E2F6: variants seen among roughly 807,000 people sequenced by gnomAD.
E2F6 encodes E2F transcription factor 6.
A neutral mutation model predicts 31.5 loss-of-function variants in E2F6; 19 were observed. The ratio of observed to expected loss-of-function variants is 0.60; its 90% CI spans 0.42 to 0.89. The LOEUF (loss-of-function observed/expected upper bound fraction) is 0.89, where lower values mean the gene tolerates loss of function less well. Among genes scored for constraint, E2F6 ranks in the 40% least tolerant of loss-of-function variants. The pLI is 0.00. For missense variants in E2F6, 269 were observed against 341.6 expected (o/e 0.79, Z 1.67); for synonymous variants, 121 against 127.7 (o/e 0.95, Z 0.36).
At chr2:11,454,844 T>C (rs1364285766) in intron 2 of E2F6, among the ~76,000 whole-genome samples, 1 of 152,162 alleles carries the variant, frequency 6.6e-6, no homozygotes, top group Non-Finnish European at 1.5e-5. Context: ...GACCATGCAA[T>C]TTTGCAACAC....
At chr2:11,449,897 G>A (rs991490447) in intron 5 of E2F6, 115 bp downstream of exon 5, 11 of 677,106 alleles carry the variant, frequency 1.6e-5, no homozygotes, top group Admixed American at 2.7e-5. Context: ...GAGCAGTATC[G>A]GATGTACAGT....
rs1347149969 is a variant in E2F6, at chr2:11,453,770, A to T, written c.192T>A (p.Phe64Leu). ...GAGTTAAATAAACCAGCGATACATC[A>T]AAACGAGGTCTCTTCACTTTTAGAG... is the stretch of plus-strand genomic sequence containing the variant. ...RKALKVKRPR[F>L]DVSLVYLTRK... The change falls in exon 3 of 7, where the codon TTT becomes TTA. Residue 64 changes from phenylalanine (F) to leucine (L), a missense_variant. By Grantham distance (22) the Phe-to-Leu change is conservative. Coordinates refer to ENST00000381525, the MANE Select transcript of E2F6 (RefSeq NM_198256.4). 6.2e-7 allele frequency: 1 copy of T among 1,614,210 alleles called. No homozygotes were observed. The highest frequency in any genetic ancestry group is 1.7e-5 in the Admixed American group (1 of 60,032).
chr2:11,457,659 C>A (rs567167757), intron 1 of E2F6, among the ~76,000 whole-genome samples: 1 of 152,258 alleles, frequency 6.6e-6, no homozygotes, highest in Admixed American at 6.5e-5. Context: ...TGCACACACA[C>A]ACAAAATATA....
At position 11,450,978 on chromosome 2, in the gene E2F6, A is replaced by AC. The variant is rs527946973; in HGVS notation, c.536+672dup. Among the ~76,000 whole-genome samples the AC allele has an allele frequency of 7.4e-3, 1,117 of 151,766 alleles. 8 individuals carry two copies. The highest frequency in any genetic ancestry group is 0.034 in the Middle Eastern group (10 of 294). On this transcript the variant is annotated intron_variant, in intron 4 of 6. Transcript: ENST00000381525. Reference sequence around the variant, plus strand: ...CCAAAGACAAGGCTCCCCCAGCCCCACCCCCCAGCTCCCTGAGACACTGAG... The same window carrying AC: ...CCAAAGACAAGGCTCCCCCAGCCCCACCCCCCCAGCTCCCTGAGACACTGAG...
intron 1 of E2F6, chr2:11,458,280 C>G: frequency 6.4e-7 from 1 of 1,551,746 alleles, no homozygotes. Context: ...AGGGAACTCA[C>G]AGAAGGATTC....
At chr2:11,455,096 TCTG>T (rs1671324552) in intron 2 of E2F6, among the ~76,000 whole-genome samples, 3 of 152,228 alleles carry the variant, frequency 2.0e-5, no homozygotes, top group Admixed American at 2.0e-4. Context: ...GCTAAACTGC[TCTG>T]CAGGTTGTGG....
At chr2:11,447,804 GAATGA>G in intron 5 of E2F6, 30 bp from the exon 6 acceptor site, 7 of 1,588,464 alleles carry the variant, frequency 4.4e-6, no homozygotes, top group Non-Finnish European at 6.0e-6. Flanking sequence ...TCGTCAAGAT[GAATGA>G]AATAATAAAT....
chr2:11,465,760 C>T lies in E2F6; in HGVS notation c.108+12G>A, dbSNP rs1024552018. On this transcript the variant is annotated intron_variant, in intron 1 of 6. Coordinates refer to ENST00000381525, the MANE Select transcript of E2F6 (RefSeq NM_198256.4). ...AGACCACCGCCCGTCCCCGTCCCGT[C>T]CCGGAGCTTACCAGCAGGCCCTCCA... The T allele has an allele frequency of 2.7e-5, 42 of 1,580,246 alleles. No individual in the cohort carries two copies. The highest frequency in any genetic ancestry group is 4.0e-5 in the African/African-American group (3 of 74,254).
At position 11,450,109 on chromosome 2, in the gene E2F6, T is replaced by C. The variant is rs376073201; in HGVS notation, c.554A>G (p.Tyr185Cys). The C allele has an allele frequency of 1.2e-5, 20 of 1,611,808 alleles. No homozygotes were observed. The highest frequency in any genetic ancestry group is 1.6e-4 in the Middle Eastern group (1 of 6,080). Residue 185 changes from tyrosine (Y) to cysteine (C), a missense_variant, in exon 5 of 7, where the codon TAT (tyrosine) becomes TGT (cysteine). Transcript: ENST00000381525. ...KENERLAYVT[Y>C]QDIHSIQAFH... ...GGCCTGAATGCTATGAATGTCTTGA[T>C]AGGTCACATATGCTAGTGTAAAACT... is the stretch of plus-strand genomic sequence containing the variant.
chr2:11,458,040 T>G (rs1020393160), intron 1 of E2F6, among the ~76,000 whole-genome samples: 13 of 152,200 alleles, frequency 8.5e-5, no homozygotes, highest in African/African-American at 3.1e-4. Flanking sequence ...GGTAGTAACA[T>G]TTAGAAACTG....
chr2:11,465,188 A>AAG (rs1359821444), intron 1 of E2F6, among the ~76,000 whole-genome samples: 1 of 146,932 alleles, frequency 6.8e-6, no homozygotes, highest in Non-Finnish European at 1.5e-5. Flanking sequence ...CAAAAAAAAA[A>AAG]AAAAAAAAGA....
rs944361829 is a variant in E2F6 at position 11,453,682 on chromosome 2, T to C, written c.280A>G (p.Thr94Ala). 1.2e-6 allele frequency: 2 copies of C among 1,614,184 alleles called. No homozygotes were observed. The highest frequency in any genetic ancestry group is 1.7e-5 in the Admixed American group (1 of 60,026). The change falls in exon 3 of 7, where the codon ACG becomes GCG. Residue 94 changes from threonine to alanine, a missense_variant. Coordinates refer to ENST00000381525, the MANE Select transcript of E2F6 (RefSeq NM_198256.4). ...CTCCGCTTTCGGACTCCCAGTTTCG[T>C]TGCAACCTTGTTTAAGTCAAGAATA... Reference protein sequence around the residue: ...GGILDLNKVATKLGVRKRRVY... With the variant: ...GGILDLNKVAAKLGVRKRRVY...
chr2:11,459,810 G>A (rs769084930), intron 1 of E2F6, among the ~76,000 whole-genome samples: 1 of 152,130 alleles, frequency 6.6e-6, no homozygotes, highest in African/African-American at 2.4e-5. Flanking sequence ...CTTGAACCCG[G>A]GAGGCAGGGG....
chr2:11,448,554 G>A (rs1670865621), intron 5 of E2F6, among the ~76,000 whole-genome samples: 1 of 152,172 alleles, frequency 6.6e-6, no homozygotes, highest in Non-Finnish European at 1.5e-5. Context: ...CTCTCAGACG[G>A]TCTCAGAGCC....
In E2F6 at chr2:11,444,811, C is replaced by T. The variant is rs1432365240; in HGVS notation, c.*1666G>A. Reference sequence around the variant, plus strand: ...CAACTCTTGCTTTCATCAAGCATGTCCCAAACCTAAGTTTTACCCTAGGCT... The same window carrying T: ...CAACTCTTGCTTTCATCAAGCATGTTCCAAACCTAAGTTTTACCCTAGGCT... On this transcript the variant is annotated 3_prime_UTR_variant, in exon 7 of 7. Transcript: ENST00000381525. The T allele has an allele frequency of 2.0e-5, 3 of 152,336 alleles. No homozygotes were observed. Among genetic ancestry groups the T allele is most frequent in the Non-Finnish European group, 2.9e-5 (2 of 68,132 alleles). 9.4% of individuals were successfully genotyped at this position (152,336 alleles called of 1,614,324 possible).
intron 2 of E2F6, chr2:11,456,905 G>A (rs1214955400): frequency 7.7e-6 from 3 of 387,504 alleles, no homozygotes; most frequent in Non-Finnish European, 9.3e-6. Flanking sequence ...CTAAGATAAG[G>A]GACAAGAAGG....
At chr2:11,452,465 G>A (rs61486551) in intron 3 of E2F6, among the ~76,000 whole-genome samples, 2,926 of 152,052 alleles carry the variant, frequency 0.019, 97 homozygotes, top group African/African-American at 0.067. Context: ...TTAGCCGGGC[G>A]TGGTGGTGTA....
chr2:11,458,891 G>A (rs574949018), intron 1 of E2F6, among the ~76,000 whole-genome samples: 2 of 152,254 alleles, frequency 1.3e-5, no homozygotes, highest in South Asian at 2.1e-4. Context: ...GCTGGCCTTG[G>A]GGGTAGGGAC....
At chr2:11,446,965 C>T (rs1375590857) in intron 6 of E2F6, among the ~76,000 whole-genome samples, 1 of 152,250 alleles carries the variant, frequency 6.6e-6, no homozygotes, top group African/African-American at 2.4e-5. Flanking sequence ...GCCCGCAGTG[C>T]TTGTCAAGTT....
Sources: allele counts gnomAD v4.1 joint callset (sites outside exome capture counted in the v4.1 genomes callset), GRCh38; gene constraint gnomAD v4.1.1; transcripts MANE v1.5; gene names NCBI Gene and HGNC (gene_info 2026-07-23, HGNC 2026-07-21).